Variants in TMPRSS12 observed in about 807,000 individuals in gnomAD.
The protein encoded by TMPRSS12 is transmembrane serine protease 12.
A neutral mutation model predicts 26.0 loss-of-function variants in TMPRSS12; 25 were observed. The ratio of observed to expected loss-of-function variants is 0.96; its 90% CI spans 0.70 to 1.34. The LOEUF (loss-of-function observed/expected upper bound fraction) is 1.34, where lower values mean the gene tolerates loss of function less well. Among genes scored for constraint, TMPRSS12 ranks in the 40% most tolerant of loss-of-function variants. The probability of loss-of-function intolerance (pLI) is 0.00; values close to 1 mark genes in which losing one functional copy is unlikely to be tolerated. For synonymous variants in TMPRSS12, 150 were observed against 161.7 expected (o/e 0.93, Z 0.55); for missense variants, 441 against 440.1 (o/e 1.00, Z -0.02).
Position 50,876,803 on chromosome 12 carries a change from CA to C in TMPRSS12, c.653-8423del, listed in dbSNP as rs35311314. Among the ~76,000 whole-genome samples, 553 of 75,316 alleles carry C rather than the reference CA, an allele frequency of 7.3e-3. 3 individuals carry two copies. The highest frequency in any genetic ancestry group is 0.027 in the African/African-American group (484 of 18,100). 49.4% of individuals were successfully genotyped at this position (75,316 alleles called of 152,430 possible). ...TGGGTGACAGATCAAGACTCTGTCTCAAAAAAAAAAAAAAAAAAAAGACTGG... is the reference window on the plus strand; with the variant it reads ...TGGGTGACAGATCAAGACTCTGTCTCAAAAAAAAAAAAAAAAAAAGACTGG... On this transcript the variant is annotated intron_variant, in intron 3 of 4. Transcript: ENST00000398458.
chr12:50,849,131 G>A (rs866894448), intron 2 of TMPRSS12, among the ~76,000 whole-genome samples: 7 of 152,126 alleles, frequency 4.6e-5, no homozygotes, highest in Non-Finnish European at 1.0e-4. Flanking sequence ...AAAGGGCTGG[G>A]ATTACAGGCA....
At chr12:50,885,968 T>G (rs1039309833) in intron 4 of TMPRSS12, 1 of 154,468 alleles carries the variant, frequency 6.5e-6, no homozygotes, top group African/African-American at 2.4e-5. Flanking sequence ...GCGCCCAGCC[T>G]GTTACTGTCT....
intron 3 of TMPRSS12, among the ~76,000 whole-genome samples, chr12:50,874,932 C>A (rs867077818): frequency 9.9e-5 from 15 of 152,132 alleles, no homozygotes; most frequent in African/African-American, 3.4e-4. Context: ...TGAAAGAAAT[C>A]ATAGATGACA....
At chr12:50,849,395 A>T (rs1937803373) in intron 2 of TMPRSS12, among the ~76,000 whole-genome samples, 1 of 152,236 alleles carries the variant, frequency 6.6e-6, no homozygotes, top group South Asian at 2.1e-4. Context: ...GTTAAGGCAT[A>T]ATTTACATGC....
intron 3 of TMPRSS12, among the ~76,000 whole-genome samples, chr12:50,867,609 C>A (rs945186183): frequency 6.6e-6 from 1 of 152,114 alleles, no homozygotes; most frequent in Non-Finnish European, 1.5e-5. Flanking sequence ...CATCCAAATA[C>A]AAGAAGCACA....
At chr12:50,882,689 T>C (rs886764022) in intron 3 of TMPRSS12, among the ~76,000 whole-genome samples, 2 of 152,266 alleles carry the variant, frequency 1.3e-5, no homozygotes, top group African/African-American at 2.4e-5. Flanking sequence ...TGACTAAATA[T>C]GAAAATGGTA....
At chr12:50,856,735 G>C (rs1406939691) in intron 2 of TMPRSS12, among the ~76,000 whole-genome samples, 1 of 152,094 alleles carries the variant, frequency 6.6e-6, no homozygotes, top group Non-Finnish European at 1.5e-5. Flanking sequence ...GCTCAGGCTT[G>C]AGTGCAGTGG....
chr12:50,861,741 C>T (rs1414129716), intron 3 of TMPRSS12, among the ~76,000 whole-genome samples: 1 of 151,404 alleles, frequency 6.6e-6, no homozygotes. Flanking sequence ...AATAACTAAA[C>T]GATGAAGTCA....
At chr12:50,879,454 G>A (rs1459840243) in intron 3 of TMPRSS12, among the ~76,000 whole-genome samples, 1 of 152,202 alleles carries the variant, frequency 6.6e-6, no homozygotes, top group African/African-American at 2.4e-5. Flanking sequence ...GAATGTAAAT[G>A]CTAATTTGAC....
chr12:50,860,983 A>G (rs1356439568), intron 3 of TMPRSS12, among the ~76,000 whole-genome samples: 2 of 152,130 alleles, frequency 1.3e-5, no homozygotes, highest in Non-Finnish European at 1.5e-5. Flanking sequence ...GCCTCAAGCA[A>G]TCTAGCCGCT....
At chr12:50,858,672 C>A (rs1937904321) in intron 2 of TMPRSS12, 113 bp from the exon 3 acceptor site, 1 of 807,292 alleles carries the variant, frequency 1.2e-6, no homozygotes. Context: ...TCACATGAAA[C>A]TGGAATTAAA....
intron 3 of TMPRSS12, among the ~76,000 whole-genome samples, chr12:50,861,039 G>A (rs1937929777): frequency 6.6e-6 from 1 of 152,146 alleles, no homozygotes. Context: ...CACCATGCCT[G>A]TCCTGGGTCC....
At chr12:50,861,177 A>C (rs568154802) in intron 3 of TMPRSS12, among the ~76,000 whole-genome samples, 21 of 152,358 alleles carry the variant, frequency 1.4e-4, no homozygotes, top group African/African-American at 4.8e-4. Flanking sequence ...CTCAAATCCA[A>C]GTCCCAAGTC....
chr12:50,859,167 C>T (rs1937911069), intron 3 of TMPRSS12, 114 bp downstream of exon 3: 2 of 963,726 alleles, frequency 2.1e-6, no homozygotes, highest in African/African-American at 3.3e-5. Context: ...TAATGACAGA[C>T]CACACACACG....
intron 3 of TMPRSS12, among the ~76,000 whole-genome samples, chr12:50,882,280 T>C (rs74582434): frequency 0.15 from 12,521 of 85,606 alleles, 970 homozygotes; most frequent in Non-Finnish European, 0.19. Context: ...CAAGACCCCA[T>C]CTCTCTAAAA....
intron 2 of TMPRSS12, among the ~76,000 whole-genome samples, chr12:50,844,632 C>G (rs747514995): frequency 6.6e-6 from 1 of 152,118 alleles, no homozygotes; most frequent in Non-Finnish European, 1.5e-5. Flanking sequence ...GCCTCAGCCT[C>G]CCAAAGTTCT....
At chr12:50,865,648 A>G (rs1937984027) in intron 3 of TMPRSS12, among the ~76,000 whole-genome samples, 1 of 152,150 alleles carries the variant, frequency 6.6e-6, no homozygotes, top group East Asian at 1.9e-4. Context: ...AATATTAGCC[A>G]AAACAAAACG....
Position 50,887,294 on chromosome 12 carries a change from A to T in TMPRSS12, c.828A>T (p.Leu276Phe), listed in dbSNP as rs1592227068. The change falls in exon 5 of 5, where the codon TTA (leucine) becomes TTT (phenylalanine). Residue 276 changes from leucine to phenylalanine, a missense_variant. Leu to Phe is a conservative substitution (Grantham distance 22, BLOSUM62 0). Coordinates refer to ENST00000398458, the MANE Select transcript of TMPRSS12 (RefSeq NM_182559.3). ...GDSGGPLMCY[L>F]PEYKRFFVMG... ...GTGGGGGACCATTAATGTGCTACTT[A>T]CCAGAATATAAAAGATTTTTTGTAA... The T allele has an allele frequency of 6.2e-7, 1 of 1,613,890 alleles. No homozygotes were observed. Among genetic ancestry groups the T allele is most frequent in the Non-Finnish European group, 8.5e-7 (1 of 1,179,858 alleles).
intron 3 of TMPRSS12, among the ~76,000 whole-genome samples, chr12:50,865,332 CA>C (rs1258472287): frequency 6.6e-6 from 1 of 151,714 alleles, no homozygotes; most frequent in African/African-American, 2.4e-5. Context: ...GACTCTGTCT[CA>C]AAAAACAAAA....
Sources: gnomAD v4.1 joint callset for allele counts (sites outside exome capture counted in the v4.1 genomes callset) on GRCh38, gnomAD v4.1.1 for gene constraint, MANE v1.5 for transcripts, NCBI Gene and HGNC (gene_info 2026-07-23, HGNC 2026-07-21) for gene names.